Variants in ZNF624 observed in about 807,000 individuals in gnomAD.
ZNF624 encodes the protein zinc finger protein 624.
Under a neutral mutation model 74.7 loss-of-function variants are expected in ZNF624, and 43 were observed. That is an observed-to-expected ratio of 0.58 (90% CI 0.45 to 0.74). The LOEUF (loss-of-function observed/expected upper bound fraction) is 0.74, where lower values mean the gene tolerates loss of function less well. ZNF624 is among the 30% of genes least tolerant of loss of function. The probability of loss-of-function intolerance (pLI) is 0.00; values close to 1 mark genes in which losing one functional copy is unlikely to be tolerated. For synonymous variants in ZNF624, 331 were observed against 341.3 expected, an observed-to-expected ratio of 0.97 and a Z score of 0.33; for missense variants, 820 against 1,030.0, an observed-to-expected ratio of 0.80 and a Z score of 2.79.
At position 16,641,819 on chromosome 17, in the gene ZNF624, G is replaced by C. The variant is rs1909473386; in HGVS notation, c.153+5510C>G. 2.6e-5 allele frequency among the ~76,000 whole-genome samples: 4 copies of C among 152,226 alleles called. No individual in the cohort carries two copies. In the South Asian group the frequency reaches 8.3e-4, roughly 32 times the overall value. ...TAGTTCAGCAAGGTTCAGGATACAA[G>C]ATCTATATGTGTGTGTTTAAGTCAA... is the stretch of plus-strand genomic sequence containing the variant. On this transcript the variant is annotated intron_variant, in intron 3 of 5. Transcript: ENST00000311331.
chr17:16,633,527 T>C (rs1275261054), intron 5 of ZNF624, among the ~76,000 whole-genome samples: 1 of 152,028 alleles, frequency 6.6e-6, no homozygotes, highest in African/African-American at 2.4e-5. Context: ...TGTCAGATAA[T>C]GAAACAAATG....
intron 3 of ZNF624, among the ~76,000 whole-genome samples, chr17:16,644,621 T>G (rs1415252211): frequency 6.6e-6 from 1 of 152,198 alleles, no homozygotes; most frequent in Non-Finnish European, 1.5e-5. Context: ...TAAGCCAGAC[T>G]GATGTAAAAG....
At chr17:16,648,462 A>G (rs1363463385) in intron 2 of ZNF624, among the ~76,000 whole-genome samples, 1 of 152,248 alleles carries the variant, frequency 6.6e-6, no homozygotes, top group African/African-American at 2.4e-5. Flanking sequence ...TGAATCTTCT[A>G]TCTCTGATAG....
chr17:16,636,335 G>A (rs931999139), intron 3 of ZNF624, among the ~76,000 whole-genome samples: 1 of 152,176 alleles, frequency 6.6e-6, no homozygotes, highest in African/African-American at 2.4e-5. Context: ...AATAGTTGCT[G>A]AGGGAAGGTT....
Position 16,623,285 on chromosome 17 carries a change from C to T in ZNF624, c.1601G>A (p.Gly534Glu), listed in dbSNP as rs200875617. The stretch of plus-strand genomic sequence containing the variant: ...GCATGAATAATTAATGAATGCTTTC[C>T]CACATTCATTACATTTATAGGGTTT... ...GEKPYKCNEC[G>E]KAFINYSCLT... Residue 534 changes from glycine (G) to glutamate (E), a missense_variant, in exon 6 of 6, where the codon GGG becomes GAG. By Grantham distance (98) the Gly-to-Glu change is moderately conservative. Coordinates refer to ENST00000311331, the MANE Select transcript of ZNF624 (RefSeq NM_020787.4). The surrounding 1 kb of genome is among the most constrained non-coding windows in gnomAD (Gnocchi z 5.3). 6.8e-5 allele frequency: 109 copies of T among 1,613,758 alleles called. No individual in the cohort carries two copies. The highest frequency in any genetic ancestry group is 9.3e-6 in the Non-Finnish European group (11 of 1,179,860).
chr17:16,642,060 G>A (rs1331084554), intron 3 of ZNF624, among the ~76,000 whole-genome samples: 1 of 152,078 alleles, frequency 6.6e-6, no homozygotes, highest in Non-Finnish European at 1.5e-5. Flanking sequence ...ACTTAATCTT[G>A]CGAATATAGC....
intron 5 of ZNF624, 102 bp downstream of exon 5, chr17:16,633,760 G>T: frequency 1.1e-6 from 1 of 915,482 alleles, no homozygotes; most frequent in East Asian, 2.6e-5. Context: ...AGACAGCGTT[G>T]AACAAATATA....
chr17:16,633,852 T>G lies in ZNF624; in HGVS notation c.376+10A>C, dbSNP rs1909261505. The G allele has an allele frequency of 1.2e-6, 2 of 1,605,656 alleles. No individual in the cohort carries two copies. The highest frequency in any genetic ancestry group is 3.3e-5 in the Admixed American group (2 of 59,924). On this transcript the variant is annotated intron_variant, in intron 5 of 5. Transcript: ENST00000311331. Reference sequence around the variant, plus strand: ...AATAAATCCCATCTTCTTGGTTCTGTTTAACTCACCAGGATAGGGAATTCT... The same window carrying G: ...AATAAATCCCATCTTCTTGGTTCTGGTTAACTCACCAGGATAGGGAATTCT...
chr17:16,617,784 A>T (rs552184456), downstream of ZNF624: 1 of 1,611,442 alleles, frequency 6.2e-7, no homozygotes, highest in East Asian at 2.2e-5. Context: ...GCCATTTTTG[A>T]GGTCTACTTC....
rs1179012912 is a variant in ZNF624 at position 16,638,190 on chromosome 17, C to T, written c.154-3434G>A. 2.9e-4 allele frequency among the ~76,000 whole-genome samples: 44 copies of T among 152,196 alleles called. 1 individual carries two copies. The East Asian group carries it at 7.3e-3, about 25-fold the overall frequency. ...TACCATCTCACACCAGTTAGGATGG[C>T]GATCATTAAAAAGTCAGGAAACAAC... On this transcript the variant is annotated intron_variant, in intron 3 of 5. Transcript: ENST00000311331.
intron 3 of ZNF624, among the ~76,000 whole-genome samples, chr17:16,645,878 G>T (rs573621862): frequency 6.8e-6 from 1 of 147,988 alleles, no homozygotes; most frequent in Admixed American, 6.8e-5. Flanking sequence ...CTTGTACCCG[G>T]GAGGCAGAGG....
At chr17:16,629,181 G>A (rs1476253786) in intron 5 of ZNF624, among the ~76,000 whole-genome samples, 3 of 120,688 alleles carry the variant, frequency 2.5e-5, no homozygotes, top group Non-Finnish European at 3.2e-5. Flanking sequence ...CTGGGCGACA[G>A]AGCGAGACTC....
intron 3 of ZNF624, among the ~76,000 whole-genome samples, chr17:16,643,876 C>T (rs910491066): frequency 1.3e-5 from 2 of 152,138 alleles, no homozygotes; most frequent in Non-Finnish European, 1.5e-5. Context: ...GATGCCTTCC[C>T]CCAAAACCTC....
chr17:16,643,065 G>A (rs1349520658), intron 3 of ZNF624, among the ~76,000 whole-genome samples: 4 of 152,210 alleles, frequency 2.6e-5, no homozygotes, highest in African/African-American at 9.7e-5. Flanking sequence ...ACACTCATAC[G>A]TTGCTGGTGG....
chr17:16,638,796 T>A (rs902512160), intron 3 of ZNF624, among the ~76,000 whole-genome samples: 2 of 152,122 alleles, frequency 1.3e-5, no homozygotes, highest in Admixed American at 6.6e-5. Context: ...ACATGGCACA[T>A]GTATACATAT....
Position 16,647,399 on chromosome 17 carries a change from T to A in ZNF624, c.88-5A>T, listed in dbSNP as rs768992804. 1.9e-6 allele frequency: 3 copies of A among 1,613,998 alleles called. No individual in the cohort carries two copies. The East Asian group carries it at 6.7e-5, about 36-fold the overall frequency. On this transcript the variant is annotated splice_region_variant and splice_polypyrimidine_tract_variant and intron_variant, in intron 2 of 5. Transcript: ENST00000311331. ...TGGCTGGGTAACTTCAGGGCTCTGA[T>A]GGGATACAGGATAAGATCATTCAGT...
chr17:16,625,459 G>A (rs1447971923), intron 5 of ZNF624, among the ~76,000 whole-genome samples: 2 of 152,210 alleles, frequency 1.3e-5, no homozygotes, highest in Non-Finnish European at 2.9e-5. Context: ...TGGGATTACA[G>A]GCCTGAGCCA....
At chr17:16,617,870 GAC>G, downstream of ZNF624, 1 of 1,604,912 alleles carries the variant, frequency 6.2e-7, no homozygotes, top group Non-Finnish European at 8.5e-7. Flanking sequence ...GTCCTATGTA[GAC>G]GCGCGGCATG....
rs1403186577 is a variant in ZNF624 at position 16,621,486 on chromosome 17, T to C, written c.*802A>G. ...TAAACATATATTGTTGGACTGCTGG[T>C]GGAAGTATGTTACACAACCTTTAAG... On this transcript the variant is annotated 3_prime_UTR_variant, in exon 6 of 6. Transcript: ENST00000311331. The C allele has an allele frequency of 6.6e-6, 1 of 152,254 alleles. No homozygotes were observed. The highest frequency in any genetic ancestry group is 1.5e-5 in the Non-Finnish European group (1 of 68,046). The allele number at this position is 152,254 out of a possible 1,614,324, so 9.4% of individuals were successfully genotyped here.
Sources: gnomAD v4.1 joint callset for allele counts (sites outside exome capture counted in the v4.1 genomes callset) on GRCh38, gnomAD v4.1.1 for gene constraint, Gnocchi (gnomAD v3.1) non-coding constraint, MANE v1.5 for transcripts, NCBI Gene and HGNC (gene_info 2026-07-23, HGNC 2026-07-21) for gene names.